The following SMN1 variants were observed in gnomAD, a reference collection of about 807,000 sequenced individuals.
The protein encoded by SMN1 is survival of motor neuron 1, telomeric.
For synonymous variants in SMN1, 3 were observed against 5.1 expected, an observed-to-expected ratio of 0.58 and a Z score of 0.56; for missense variants, 15 against 17.1, an observed-to-expected ratio of 0.88 and a Z score of 0.22.
chr5:70,955,656 G>A (rs1248315496), downstream of SMN1, among the ~76,000 whole-genome samples: 2 of 145,948 alleles, frequency 1.4e-5, no homozygotes, highest in Non-Finnish European at 3.0e-5. Context: ...ATGGTGGTGG[G>A]CGCCTGTAAT....
chr5:70,963,678 CTT>C, the SMN1 span, among the ~76,000 whole-genome samples: 2 of 129,024 alleles, frequency 1.6e-5, no homozygotes, highest in African/African-American at 5.2e-5. Context: ...AATTAAACCT[CTT>C]TGTAAATTAC....
the SMN1 span, among the ~76,000 whole-genome samples, chr5:70,960,056 A>G: frequency 6.8e-6 from 1 of 147,672 alleles, no homozygotes; most frequent in Admixed American, 6.8e-5. Context: ...TAATTTATCA[A>G]ACCTTTGAAT....
the SMN1 span, among the ~76,000 whole-genome samples, chr5:70,963,932 T>C: frequency 1.1e-5 from 1 of 89,184 alleles, no homozygotes; most frequent in Admixed American, 1.2e-4. Flanking sequence ...TCGCCCAGGC[T>C]GGAGTGCAGT....
At chr5:70,960,844 C>T in the SMN1 span, among the ~76,000 whole-genome samples, 1 of 149,678 alleles carries the variant, frequency 6.7e-6, no homozygotes, top group Non-Finnish European at 1.5e-5. Flanking sequence ...TATAGGCACC[C>T]GCCACTGCAC....
intron 7 of SMN1, among the ~76,000 whole-genome samples, chr5:70,948,370 AC>A (rs1749597719): frequency 1.4e-5 from 2 of 142,112 alleles, no homozygotes; most frequent in South Asian, 4.5e-4. Context: ...ACATGGTGAA[AC>A]CCCGTCTCTA....
chr5:70,960,463 CT>C, the SMN1 span, among the ~76,000 whole-genome samples: 6 of 147,872 alleles, frequency 4.1e-5, 1 homozygote, highest in East Asian at 1.2e-3. Flanking sequence ...AACAAGTGTC[CT>C]TTTCGAAAGC....
At chr5:70,952,344 A>G in intron 8 of SMN1, 95 bp from the exon 9 acceptor site, 1 of 1,167,470 alleles carries the variant, frequency 8.6e-7, no homozygotes, top group East Asian at 2.7e-5. Flanking sequence ...ACACTCTGAC[A>G]TATGAAGTGC....
intron 1 of SMN1, among the ~76,000 whole-genome samples, chr5:70,935,509 TTGGGAGGCTGAGG>T (rs1307430450): frequency 8.3e-6 from 1 of 119,968 alleles, no homozygotes; most frequent in East Asian, 2.7e-4. Context: ...TCCCAGCACT[TTGGGAGGCTGAGG>T]TGGGAGGATC....
the SMN1 span, among the ~76,000 whole-genome samples, chr5:70,963,877 ACTTTTTTTTTTTTTTTTTT>A: frequency 1.2e-5 from 1 of 83,062 alleles, no homozygotes; most frequent in Non-Finnish European, 2.7e-5. Context: ...TAAGTTTCAA[ACTTTTTTTTTTTTTTTTTT>A]TTTTTTGAGA....
the SMN1 span, among the ~76,000 whole-genome samples, chr5:70,960,368 G>C: frequency 6.7e-6 from 1 of 149,310 alleles, no homozygotes; most frequent in Non-Finnish European, 1.5e-5. Context: ...GACATACACA[G>C]AGGTGAAAAA....
chr5:70,963,878 CTTTTTTTTT>C, the SMN1 span, among the ~76,000 whole-genome samples: 4 of 69,294 alleles, frequency 5.8e-5, no homozygotes, highest in Non-Finnish European at 8.5e-5. Context: ...AAGTTTCAAA[CTTTTTTTTT>C]TTTTTTTTTT....
the SMN1 span, among the ~76,000 whole-genome samples, chr5:70,959,155 G>T: frequency 6.8e-6 from 1 of 148,048 alleles, no homozygotes; most frequent in African/African-American, 2.5e-5. Context: ...CTATCGCAAG[G>T]ACAAAAAACC....
intron 8 of SMN1, 149 bp from the exon 9 acceptor site, chr5:70,952,290 T>A: frequency 7.5e-7 from 1 of 1,337,598 alleles, no homozygotes; most frequent in East Asian, 2.6e-5. Flanking sequence ...ACCAGCAGAC[T>A]TTTTTTTATT....
the SMN1 span, among the ~76,000 whole-genome samples, chr5:70,961,150 T>G: frequency 2.6e-5 from 1 of 38,292 alleles, no homozygotes; most frequent in Admixed American, 3.3e-4. Flanking sequence ...TTTGCGTGTT[T>G]GTGGCAACTT....
At chr5:70,955,081 T>TGG (rs1749869739), downstream of SMN1, among the ~76,000 whole-genome samples, 1 of 140,156 alleles carries the variant, frequency 7.1e-6, no homozygotes, top group Non-Finnish European at 1.5e-5. Flanking sequence ...GGCATGGTGG[T>TGG]GCATGCCTGT....
downstream of SMN1, among the ~76,000 whole-genome samples, chr5:70,956,338 G>GTCAA (rs1749903530): frequency 1.6e-4 from 19 of 121,422 alleles, no homozygotes; most frequent in Non-Finnish European, 2.6e-4. Context: ...TTAGATCCCA[G>GTCAA]TTTTGGCTTT....
downstream of SMN1, among the ~76,000 whole-genome samples, chr5:70,957,303 GT>G (rs531459148): frequency 0.071 from 6,299 of 88,610 alleles, 32 homozygotes; most frequent in African/African-American, 0.24. Context: ...TTGAATACCC[GT>G]TATTTCTTTC....
chr5:70,957,453 T>C (rs1198350285), downstream of SMN1, among the ~76,000 whole-genome samples: 1 of 147,440 alleles, frequency 6.8e-6, no homozygotes, highest in Non-Finnish European at 1.5e-5. Flanking sequence ...GGCTGTGGGT[T>C]TGTCATAGAT....
At position 70,945,499 on chromosome 5, in the gene SMN1, A is replaced by G. The variant is rs1362629064; in HGVS notation, c.724-567A>G. 2.1e-4 allele frequency among the ~76,000 whole-genome samples: 16 copies of G among 77,750 alleles called. 1 individual carries two copies. The highest frequency in any genetic ancestry group is 1.1e-3 in the African/African-American group (16 of 14,222). The allele number at this position is 77,750 out of a possible 152,430, so 51.0% of individuals were successfully genotyped here. ...AAAGATACTTTTTGGCATACTGTGT[A>G]TTGGGATGGGGTTAGAACAGGTGTT... On this transcript the variant is annotated intron_variant, in intron 6 of 8. Transcript: ENST00000380707.
Sources: gnomAD v4.1 joint callset for allele counts (sites outside exome capture counted in the v4.1 genomes callset) on GRCh38, gnomAD v4.1.1 for gene constraint, MANE v1.5 for transcripts, NCBI Gene and HGNC (gene_info 2026-07-23, HGNC 2026-07-21) for gene names.